Variants in MAPKAPK5 observed in about 807,000 individuals in gnomAD.
The protein encoded by MAPKAPK5 is MAPK activated protein kinase 5.
Under a neutral mutation model 65.1 loss-of-function variants are expected in MAPKAPK5, and 30 were observed. The ratio of observed to expected loss-of-function variants is 0.46; its 90% CI spans 0.34 to 0.63. The LOEUF (loss-of-function observed/expected upper bound fraction) is 0.63. Ranked by LOEUF, MAPKAPK5 falls within the 20% of genes least tolerant of loss-of-function variation. The probability of loss-of-function intolerance (pLI) is 0.01; values close to 1 mark genes in which losing one functional copy is unlikely to be tolerated. For missense variants in MAPKAPK5, 433 were observed against 581.4 expected, an observed-to-expected ratio of 0.74 and a Z score of 2.63; for synonymous variants, 179 against 204.6, an observed-to-expected ratio of 0.87 and a Z score of 1.07.
Position 111,893,119 on chromosome 12 carries a change from A to T in MAPKAPK5, c.*58A>T. 1 of 1,215,506 alleles carries T rather than the reference A, an allele frequency of 8.2e-7. No individual in the cohort carries two copies. Among genetic ancestry groups the T allele is most frequent in the South Asian group, 1.5e-5 (1 of 68,204 alleles). 75.3% of individuals were successfully genotyped at this position (1,215,506 alleles called of 1,614,324 possible). On this transcript the variant is annotated 3_prime_UTR_variant, in exon 14 of 14. Coordinates refer to ENST00000550735, the MANE Select transcript of MAPKAPK5 (RefSeq NM_003668.4). ...TGAAAAATTATTCTTTAATGTATAA[A>T]GTAATTTTATGTAAATTAATAAATC...
Position 111,881,266 on chromosome 12 carries a change from G to T in MAPKAPK5, c.660+739G>T, listed in dbSNP as rs201977620. Among the ~76,000 whole-genome samples the T allele has an allele frequency of 3.9e-5, 6 of 151,930 alleles. No homozygotes were observed. The East Asian group carries it at 1.2e-3, about 29-fold the overall frequency. On this transcript the variant is annotated intron_variant, in intron 8 of 13. Transcript: ENST00000550735. The stretch of plus-strand genomic sequence containing the variant: ...TTTTTGTATTTTTAGTAGAGTCGGG[G>T]TTTCTCCATGTTGGCCAAGCTGATC...
intron 1 of MAPKAPK5, among the ~76,000 whole-genome samples, chr12:111,854,294 T>C (rs192610845): frequency 1.3e-5 from 2 of 151,640 alleles, no homozygotes; most frequent in Admixed American, 1.3e-4. Context: ...TGGAGTGGAG[T>C]GCAGTGGCAT....
chr12:111,877,081 G>A (rs1045314844), intron 7 of MAPKAPK5, among the ~76,000 whole-genome samples: 3 of 112,008 alleles, frequency 2.7e-5, no homozygotes, highest in African/African-American at 1.1e-4. Flanking sequence ...GCAGTAGCAC[G>A]ATCTCGGCTC....
Position 111,899,946 on chromosome 12 carries a change from TCA to T in MAPKAPK5, c.*6890_*6891del, listed in dbSNP as rs1384374446. On this transcript the variant is annotated 3_prime_UTR_variant, in exon 14 of 14. Coordinates refer to ENST00000550735, the MANE Select transcript of MAPKAPK5 (RefSeq NM_003668.4). ...TCTACAGGCACTGTCCTACTTGTGG[TCA>T]CACAAAAAGTACGTGGAGATGTTTG... 1 of 456,100 alleles carries T rather than the reference TCA, an allele frequency of 2.2e-6. No homozygotes were observed. Among genetic ancestry groups the T allele is most frequent in the Non-Finnish European group, 4.4e-6 (1 of 226,808 alleles). 28.3% of individuals were successfully genotyped at this position (456,100 alleles called of 1,614,324 possible).
rs564358192 is a variant in MAPKAPK5 at position 111,893,464 on chromosome 12, A to G, written c.*403A>G. ...GCCCTGTGTGTTTATTTTCCACACC[A>G]TTGCTAGATTAGCTCTACTGCCAAG... On this transcript the variant is annotated 3_prime_UTR_variant, in exon 14 of 14. Transcript: ENST00000550735. 5.0e-4 allele frequency: 77 copies of G among 153,020 alleles called. No individual in the cohort carries two copies. The highest frequency in any genetic ancestry group is 9.0e-4 in the Non-Finnish European group (62 of 68,568). The allele number at this position is 153,020 out of a possible 1,614,324, so 9.5% of individuals were successfully genotyped here.
At chr12:111,871,345 T>C (rs1359891628) in intron 7 of MAPKAPK5, among the ~76,000 whole-genome samples, 165 bp downstream of exon 7, 1 of 128,364 alleles carries the variant, frequency 7.8e-6, no homozygotes, top group African/African-American at 2.9e-5. Context: ...TTTTATTCTT[T>C]TAAAATCAAC....
intron 1 of MAPKAPK5, among the ~76,000 whole-genome samples, chr12:111,849,964 T>C (rs944787510): frequency 4.6e-5 from 7 of 151,972 alleles, no homozygotes; most frequent in African/African-American, 1.7e-4. Context: ...GCTCAAGCAG[T>C]CGTCACACTT....
At chr12:111,870,399 C>A (rs2069745524) in intron 6 of MAPKAPK5, 39 bp downstream of exon 6, 1 of 1,529,248 alleles carries the variant, frequency 6.5e-7, no homozygotes, top group South Asian at 1.1e-5. Flanking sequence ...TGCTGCAACT[C>A]TTAACATAGT....
chr12:111,868,372 A>G (rs1373210352), intron 4 of MAPKAPK5, among the ~76,000 whole-genome samples: 2 of 152,186 alleles, frequency 1.3e-5, no homozygotes, highest in African/African-American at 4.8e-5. Context: ...TGTCTCACAA[A>G]GGCTGTGTGG....
intron 13 of MAPKAPK5, 27 bp downstream of exon 13, chr12:111,890,171 C>T (rs1455664134): frequency 1.4e-6 from 2 of 1,452,694 alleles, no homozygotes; most frequent in South Asian, 1.2e-5. Flanking sequence ...ACTCCCTTCC[C>T]CAGGAATGCA....
intron 7 of MAPKAPK5, among the ~76,000 whole-genome samples, chr12:111,873,719 A>G (rs1246037136): frequency 2.0e-5 from 3 of 152,154 alleles, no homozygotes; most frequent in East Asian, 3.8e-4. Flanking sequence ...TTTGTTTAAT[A>G]TATGTATGTG....
Position 111,871,777 on chromosome 12 carries a change from C to T in MAPKAPK5, c.579+597C>T, listed in dbSNP as rs75696507. Among the ~76,000 whole-genome samples the T allele has an allele frequency of 6.5e-4, 99 of 152,300 alleles. 1 individual carries two copies. The East Asian group carries it at 0.017, about 27-fold the overall frequency. On this transcript the variant is annotated intron_variant, in intron 7 of 13. Transcript: ENST00000550735. ...AATATATACCCCATATGGCGACCAC[C>T]ACATTGAAGATGTGGAACACGCCCC...
chr12:111,876,754 C>G (rs1450281124), intron 7 of MAPKAPK5, among the ~76,000 whole-genome samples: 1 of 151,732 alleles, frequency 6.6e-6, no homozygotes, highest in Non-Finnish European at 1.5e-5. Flanking sequence ...TTCTTTCATC[C>G]TTTTTTTTCT....
chr12:111,848,190 A>G (rs778489198), intron 1 of MAPKAPK5, among the ~76,000 whole-genome samples: 6 of 152,234 alleles, frequency 3.9e-5, no homozygotes, highest in Non-Finnish European at 7.3e-5. Context: ...ACCATTATAC[A>G]TTCCCACTGG....
intron 9 of MAPKAPK5, among the ~76,000 whole-genome samples, chr12:111,885,091 G>A (rs761847477): frequency 1.4e-4 from 22 of 152,122 alleles, no homozygotes; most frequent in Non-Finnish European, 2.8e-4. Context: ...TACATTTCCT[G>A]TCCCTAGAGC....
rs368283336 is a variant in MAPKAPK5, at chr12:111,888,625, G to A, written c.1100+7G>A. Reference sequence around the variant, plus strand: ...GGAAGAGGAAGTTACTTGGGTAACTGAGCTTATTTCTTCGATTCTTCTTCA... The same window carrying A: ...GGAAGAGGAAGTTACTTGGGTAACTAAGCTTATTTCTTCGATTCTTCTTCA... On this transcript the variant is annotated splice_region_variant and intron_variant, in intron 11 of 13. Coordinates refer to ENST00000550735, the MANE Select transcript of MAPKAPK5 (RefSeq NM_003668.4). The A allele has an allele frequency of 5.5e-5, 88 of 1,613,114 alleles. No homozygotes were observed. The African/African-American group carries it at 1.0e-3, about 19-fold the overall frequency.
intron 1 of MAPKAPK5, among the ~76,000 whole-genome samples, chr12:111,861,414 C>T (rs1326292270): frequency 1.3e-5 from 2 of 151,754 alleles, no homozygotes; most frequent in African/African-American, 2.4e-5. Context: ...CTGCAACCTC[C>T]GCCTCCCAGG....
At position 111,899,693 on chromosome 12, in the gene MAPKAPK5, C is replaced by T; in HGVS notation, c.*6632C>T. On this transcript the variant is annotated 3_prime_UTR_variant, in exon 14 of 14. Coordinates refer to ENST00000550735, the MANE Select transcript of MAPKAPK5 (RefSeq NM_003668.4). ...AAGAATCGCCTTTCATCTCACATGA[C>T]TGCCACTATGAAGGCTACATAGAAG... is the stretch of plus-strand genomic sequence containing the variant. 1 of 304,750 alleles carries T rather than the reference C, an allele frequency of 3.3e-6. No individual in the cohort carries two copies. Among genetic ancestry groups the T allele is most frequent in the Non-Finnish European group, 6.6e-6 (1 of 151,174 alleles). The allele number at this position is 304,750 out of a possible 1,614,324, so 18.9% of individuals were successfully genotyped here. A position where few individuals can be genotyped will look rare whatever the true frequency, so the allele number is the denominator to read the frequency against.
chr12:111,877,106 C>T (rs2070009546), intron 7 of MAPKAPK5, among the ~76,000 whole-genome samples: 1 of 105,332 alleles, frequency 9.5e-6, no homozygotes, highest in South Asian at 3.0e-4. Flanking sequence ...CAACCTCCAC[C>T]TCCCGGGTTC....
Sources: gnomAD v4.1 joint callset for allele counts (sites outside exome capture counted in the v4.1 genomes callset) on GRCh38, gnomAD v4.1.1 for gene constraint, MANE v1.5 for transcripts, NCBI Gene and HGNC (gene_info 2026-07-23, HGNC 2026-07-21) for gene names.